Variants in NSMCE2 observed in about 807,000 individuals in gnomAD.
The protein encoded by NSMCE2 is E3 SUMO-protein ligase NSE2.
In NSMCE2, 24 loss-of-function variants were observed where a neutral mutation model predicts 23.8. The ratio of observed to expected loss-of-function variants is 1.01; its 90% CI spans 0.73 to 1.42. NSMCE2 has a LOEUF of 1.42. NSMCE2 is among the 40% of genes most tolerant of loss of function. The pLI, the probability that NSMCE2 is intolerant of heterozygous loss-of-function variation, is 0.00. For missense variants in NSMCE2, 284 were observed against 296.5 expected, an observed-to-expected ratio of 0.96 and a Z score of 0.31; for synonymous variants, 92 against 94.1, an observed-to-expected ratio of 0.98 and a Z score of 0.13.
At chr8:125,155,920 T>G in intron 4 of NSMCE2, 2 of 445,806 alleles carry the variant, frequency 4.5e-6, no homozygotes, top group Admixed American at 4.9e-5. Flanking sequence ...GGAATGTAGC[T>G]AAATGAGAAT....
intron 5 of NSMCE2, among the ~76,000 whole-genome samples, chr8:125,206,822 G>A (rs1824136493): frequency 6.6e-6 from 1 of 152,148 alleles, no homozygotes; most frequent in African/African-American, 2.4e-5. Flanking sequence ...AAGAGAGGGG[G>A]AGAAAGGCTT....
chr8:125,336,882 G>A (rs1830077502), intron 5 of NSMCE2, among the ~76,000 whole-genome samples: 1 of 152,116 alleles, frequency 6.6e-6, no homozygotes, highest in Non-Finnish European at 1.5e-5. Context: ...CAGTCCTATT[G>A]GCAACATAGG....
intron 5 of NSMCE2, among the ~76,000 whole-genome samples, chr8:125,286,860 T>C (rs576053336): frequency 1.7e-4 from 26 of 151,904 alleles, no homozygotes; most frequent in Non-Finnish European, 1.3e-4. Flanking sequence ...TTCCTTTGCA[T>C]CCTAAGAAAA....
chr8:125,334,735 G>A (rs2385092), intron 5 of NSMCE2, among the ~76,000 whole-genome samples: 40,714 of 148,714 alleles, frequency 0.27, 7,082 homozygotes, highest in East Asian at 0.46. Flanking sequence ...CTATGTGTAC[G>A]AAGGATTGGG....
intron 3 of NSMCE2, among the ~76,000 whole-genome samples, chr8:125,107,354 C>T (rs982848215): frequency 6.6e-6 from 1 of 151,894 alleles, no homozygotes; most frequent in South Asian, 2.1e-4. Context: ...CCACCATGCC[C>T]GGCTAATTTT....
intron 5 of NSMCE2, among the ~76,000 whole-genome samples, chr8:125,321,916 A>T (rs1829473753): frequency 6.6e-6 from 1 of 152,116 alleles, no homozygotes; most frequent in Non-Finnish European, 1.5e-5. Context: ...TCTCATTATG[A>T]TTTTAATCTG....
chr8:125,361,436 G>A (rs1163579389), intron 7 of NSMCE2, among the ~76,000 whole-genome samples: 1 of 152,194 alleles, frequency 6.6e-6, no homozygotes, highest in Non-Finnish European at 1.5e-5. Context: ...TTAAGAGCAT[G>A]TAGAATAAAA....
rs555734534 is a variant in NSMCE2 at position 125,126,719 on chromosome 8, C to A, written c.157+24232C>A. Among the ~76,000 whole-genome samples, 26 of 152,232 alleles carry A rather than the reference C, an allele frequency of 1.7e-4. No individual in the cohort carries two copies. In the South Asian group the frequency reaches 2.3e-3, roughly 13 times the overall value. On this transcript the variant is annotated intron_variant, in intron 3 of 7. Transcript: ENST00000287437. ...TCGCTAGGTTCAAACACAGCTCTGGCAATTATTAGCATTGTGTAAGTTTTG... is the reference window on the plus strand; with the variant it reads ...TCGCTAGGTTCAAACACAGCTCTGGAAATTATTAGCATTGTGTAAGTTTTG...
intron 4 of NSMCE2, among the ~76,000 whole-genome samples, chr8:125,178,864 C>CA (rs943554963): frequency 1.9e-4 from 29 of 149,192 alleles, no homozygotes; most frequent in African/African-American, 4.4e-4. Flanking sequence ...GACTCCGCCT[C>CA]AAAAAAAAAT....
intron 5 of NSMCE2, among the ~76,000 whole-genome samples, chr8:125,186,547 G>A (rs1483036293): frequency 1.3e-5 from 2 of 152,166 alleles, no homozygotes; most frequent in East Asian, 3.9e-4. Context: ...GCAGAAGACA[G>A]TGTATACAAA....
At chr8:125,176,414 T>C (rs1822497071) in intron 4 of NSMCE2, among the ~76,000 whole-genome samples, 1 of 152,224 alleles carries the variant, frequency 6.6e-6, no homozygotes. Context: ...TAAACTCTTC[T>C]AGCCGCCCTT....
intron 5 of NSMCE2, among the ~76,000 whole-genome samples, chr8:125,340,506 A>G (rs1207259707): frequency 6.6e-6 from 1 of 152,188 alleles, no homozygotes; most frequent in Admixed American, 6.5e-5. Flanking sequence ...AACATATTTG[A>G]CTGCATTTTA....
chr8:125,126,575 A>G (rs2130533588), intron 3 of NSMCE2, among the ~76,000 whole-genome samples: 1 of 152,246 alleles, frequency 6.6e-6, no homozygotes, highest in East Asian at 1.9e-4. Flanking sequence ...ACCTTACTTG[A>G]TGCACGAAAG....
chr8:125,247,173 C>CA (rs201028205), intron 5 of NSMCE2, among the ~76,000 whole-genome samples: 3,681 of 145,332 alleles, frequency 0.025, 138 homozygotes, highest in African/African-American at 0.088. Flanking sequence ...CAAAAAATAA[C>CA]AAAAAAAAAA....
At chr8:125,268,166 C>G (rs1418957320) in intron 5 of NSMCE2, among the ~76,000 whole-genome samples, 1 of 150,780 alleles carries the variant, frequency 6.6e-6, no homozygotes, top group Non-Finnish European at 1.5e-5. Flanking sequence ...CCTGGGAGGT[C>G]GAGGCTGCGG....
chr8:125,300,541 T>C (rs768436496), intron 5 of NSMCE2, among the ~76,000 whole-genome samples: 3 of 152,192 alleles, frequency 2.0e-5, no homozygotes, highest in Non-Finnish European at 4.4e-5. Flanking sequence ...AGTTATGGTA[T>C]CTCAGTAAGT....
intron 5 of NSMCE2, among the ~76,000 whole-genome samples, chr8:125,314,424 G>A (rs1486735323): frequency 1.3e-5 from 2 of 152,100 alleles, no homozygotes; most frequent in Admixed American, 6.6e-5. Flanking sequence ...CAAGTAGCTG[G>A]GGTTATAGGC....
chr8:125,334,832 G>A (rs573783861), intron 5 of NSMCE2, among the ~76,000 whole-genome samples: 1 of 139,376 alleles, frequency 7.2e-6, no homozygotes, highest in African/African-American at 2.7e-5. Context: ...ACCCAGGCTG[G>A]AGTGCAGTGA....
intron 5 of NSMCE2, among the ~76,000 whole-genome samples, chr8:125,334,550 G>A (rs1259010681): frequency 6.6e-6 from 1 of 152,092 alleles, no homozygotes; most frequent in Admixed American, 6.6e-5. Flanking sequence ...ACCCACCAAG[G>A]CTGAGTCCTT....
Sources: allele counts gnomAD v4.1 joint callset (sites outside exome capture counted in the v4.1 genomes callset), GRCh38; gene constraint gnomAD v4.1.1; transcripts MANE v1.5; gene names NCBI Gene and HGNC (gene_info 2026-07-23, HGNC 2026-07-21).